MCM9: variants seen among roughly 807,000 people sequenced by gnomAD.
The protein encoded by MCM9 is minichromosome maintenance 9 homologous recombination repair factor.
Under a neutral mutation model 72.8 loss-of-function variants are expected in MCM9, and 55 were observed. The observed-to-expected ratio is 0.76, with a 90% CI of 0.61 to 0.95. The LOEUF (loss-of-function observed/expected upper bound fraction) is 0.95. Ranked by LOEUF, MCM9 falls within the 40% of genes least tolerant of loss-of-function variation. The pLI is 0.00. For missense variants in MCM9, 1,279 were observed against 1,377.0 expected, an observed-to-expected ratio of 0.93 and a Z score of 1.13; for synonymous variants, 480 against 503.4, an observed-to-expected ratio of 0.95 and a Z score of 0.62.
At chr6:118,900,968 C>T in intron 8 of MCM9, 1 of 969,554 alleles carries the variant, frequency 1.0e-6, no homozygotes, top group African/African-American at 1.6e-5. Context: ...TATCCCTTTC[C>T]TTTTGGGTTA....
At chr6:118,902,351 C>A (rs902704283) in intron 8 of MCM9, among the ~76,000 whole-genome samples, 3 of 152,110 alleles carry the variant, frequency 2.0e-5, no homozygotes, top group Admixed American at 2.0e-4. Context: ...TATAATCAGT[C>A]ACTCATAAAG....
chr6:118,871,490 G>T (rs556166364), intron 8 of MCM9, among the ~76,000 whole-genome samples: 2 of 152,212 alleles, frequency 1.3e-5, no homozygotes, highest in East Asian at 3.9e-4. Flanking sequence ...CACAATAAAG[G>T]CCATCTATCA....
intron 8 of MCM9, among the ~76,000 whole-genome samples, chr6:118,858,340 A>C (rs1776694250): frequency 1.3e-5 from 2 of 152,182 alleles, no homozygotes; most frequent in Admixed American, 1.3e-4. Flanking sequence ...TCAAAAAATT[A>C]GGAACGGAAG....
chr6:118,856,904 TAACC>T (rs1776591213), intron 8 of MCM9, among the ~76,000 whole-genome samples: 2 of 152,070 alleles, frequency 1.3e-5, no homozygotes, highest in Non-Finnish European at 2.9e-5. Context: ...AGGCATATCT[TAACC>T]TATGAAAGGA....
chr6:118,914,259 G>C (rs894405138), intron 6 of MCM9, among the ~76,000 whole-genome samples: 10 of 152,142 alleles, frequency 6.6e-5, no homozygotes, highest in African/African-American at 2.4e-4. Context: ...GAACATCACT[G>C]TTTGGGGTTC....
At chr6:118,843,660 A>ATATATATATTTG (rs1562407063) in intron 9 of MCM9, among the ~76,000 whole-genome samples, 1 of 76,440 alleles carries the variant, frequency 1.3e-5, no homozygotes, top group Non-Finnish European at 2.4e-5. Context: ...ATATATGTGT[A>ATATATATATTTG]TATATATATG....
At chr6:118,871,952 G>A (rs1041417978) in intron 8 of MCM9, among the ~76,000 whole-genome samples, 1 of 152,086 alleles carries the variant, frequency 6.6e-6, no homozygotes, top group Non-Finnish European at 1.5e-5. Context: ...CTGGACTACA[G>A]CATACCTTAA....
At chr6:118,857,233 T>C (rs1554258008) in intron 8 of MCM9, among the ~76,000 whole-genome samples, 1 of 152,198 alleles carries the variant, frequency 6.6e-6, no homozygotes, top group Non-Finnish European at 1.5e-5. Flanking sequence ...TGATAGAGAA[T>C]AGTAATTATT....
chr6:118,902,615 G>A (rs1426990211), intron 8 of MCM9, among the ~76,000 whole-genome samples: 2 of 132,812 alleles, frequency 1.5e-5, no homozygotes, highest in African/African-American at 2.9e-5. Flanking sequence ...TTTTGTGTTT[G>A]TTATTAAGCA....
chr6:118,888,151 T>C (rs183636298), intron 8 of MCM9, among the ~76,000 whole-genome samples: 35 of 152,102 alleles, frequency 2.3e-4, no homozygotes, highest in African/African-American at 7.7e-4. Flanking sequence ...GTGGAGAAAT[T>C]AGAATGCTGG....
chr6:118,931,626 T>C lies in MCM9; in HGVS notation c.98A>G (p.Asp33Gly). The change falls in exon 3 of 14, where the codon GAT becomes GGT. Residue 33 changes from aspartate (D) to glycine (G), a missense_variant. Coordinates refer to ENST00000619706, the MANE Select transcript of MCM9 (RefSeq NM_017696.3). ...CACAACTGGGTAATGAGCATCTTCA[T>C]CCCTTTCCTTCAAGATTAGAAGAAT... Reference protein sequence around the residue: ...NDILLILKERDEDAHYPVVVN... With the variant: ...NDILLILKERGEDAHYPVVVN... The C allele has an allele frequency of 1.2e-6, 2 of 1,614,130 alleles. No individual in the cohort carries two copies. The highest frequency in any genetic ancestry group is 1.7e-6 in the Non-Finnish European group (2 of 1,180,012).
In MCM9 at chr6:118,911,075, G is replaced by A. The variant is rs898607792; in HGVS notation, c.1150+575C>T. On this transcript the variant is annotated intron_variant, in intron 8 of 13. Coordinates refer to ENST00000619706, the MANE Select transcript of MCM9 (RefSeq NM_017696.3). ...AAATAATTTTTTTCTAAATTCCCTG[G>A]GTCACTTTATTTATAATCAAATCTT... 3.0e-6 allele frequency: 3 copies of A among 983,874 alleles called. No individual in the cohort carries two copies. The African/African-American group carries it at 5.3e-5, about 17-fold the overall frequency. 60.9% of individuals were successfully genotyped at this position (983,874 alleles called of 1,614,324 possible).
chr6:118,894,451 A>C, intron 8 of MCM9: 1 of 1,537,138 alleles, frequency 6.5e-7, no homozygotes, highest in Non-Finnish European at 8.7e-7. Context: ...GTGGTGCTGG[A>C]TAACCCTTCT....
At chr6:118,910,116 CAAAAAAAAA>C (rs67533661) in intron 8 of MCM9, among the ~76,000 whole-genome samples, 1 of 110,766 alleles carries the variant, frequency 9.0e-6, no homozygotes, top group Admixed American at 9.0e-5. Flanking sequence ...GACTCTATCT[CAAAAAAAAA>C]AAAAAAAAAA....
At position 118,816,076 on chromosome 6, in the gene MCM9, C is replaced by T; in HGVS notation, c.2180G>A (p.Ser727Asn). The change falls in exon 14 of 14, where the codon AGT (serine) becomes AAT (asparagine). Residue 727 changes from serine to asparagine, a missense_variant. Physicochemically the swap from Ser to Asn is conservative, Grantham distance 46 (BLOSUM62 1). Coordinates refer to ENST00000619706, the MANE Select transcript of MCM9 (RefSeq NM_017696.3). ...PPHLEPNRST[S>N]RKHSAQHKNN... ...TTTGTGCTGAGCTGAATGTTTCCTA[C>T]TTGTTGATCTATTAGGCTCCAGATG... is the stretch of plus-strand genomic sequence containing the variant. The T allele has an allele frequency of 6.5e-7, 1 of 1,550,082 alleles. No individual in the cohort carries two copies. Among genetic ancestry groups the T allele is most frequent in the Non-Finnish European group, 8.7e-7 (1 of 1,146,664 alleles).
chr6:118,864,944 G>A (rs749523256), intron 8 of MCM9, among the ~76,000 whole-genome samples: 1 of 151,968 alleles, frequency 6.6e-6, no homozygotes, highest in Admixed American at 6.5e-5. Context: ...ATGCCTGCTT[G>A]TCTTCTAACG....
At position 118,923,930 on chromosome 6, in the gene MCM9, G is replaced by A. The variant is rs768968338; in HGVS notation, c.502C>T (p.Arg168Trp). Residue 168 changes from arginine (R) to tryptophan (W), a missense_variant, in exon 4 of 14, where the codon CGG becomes TGG. Physicochemically the swap from Arg to Trp is moderately radical, Grantham distance 101. Transcript: ENST00000619706. Reference protein sequence around the residue: ...ADFEQYYTFCRPSSCPSLESC... With the variant: ...ADFEQYYTFCWPSSCPSLESC... ...TCCAAGCTGGGACACGAGGATGGCCGGCAAAAGGTGTAATACTGCTCAAAG... is the reference window on the plus strand; with the variant it reads ...TCCAAGCTGGGACACGAGGATGGCCAGCAAAAGGTGTAATACTGCTCAAAG... The A allele has an allele frequency of 2.5e-5, 41 of 1,614,064 alleles. 1 individual carries two copies. The highest frequency in any genetic ancestry group is 2.1e-4 in the South Asian group (19 of 91,086).
At chr6:118,837,253 T>C (rs150843645) in intron 9 of MCM9, among the ~76,000 whole-genome samples, 1 of 152,234 alleles carries the variant, frequency 6.6e-6, no homozygotes, top group African/African-American at 2.4e-5. Flanking sequence ...TTTCACTCTT[T>C]TGCATTTGCT....
rs543169247 is a variant in MCM9, at chr6:118,883,683, T to G, written c.1151-27138A>C. Among the ~76,000 whole-genome samples, 38 of 151,236 alleles carry G rather than the reference T, an allele frequency of 2.5e-4. No individual in the cohort carries two copies. The South Asian group carries it at 7.1e-3, about 28-fold the overall frequency. On this transcript the variant is annotated intron_variant, in intron 8 of 13. Transcript: ENST00000619706. ...GGCCAGAGGCAGTGGGATTACATAT[T>G]CAAAGTGCTGAAAGAAAAAAAAAAA...
Sources: allele counts gnomAD v4.1 joint callset (sites outside exome capture counted in the v4.1 genomes callset), GRCh38; gene constraint gnomAD v4.1.1; transcripts MANE v1.5; gene names NCBI Gene and HGNC (gene_info 2026-07-23, HGNC 2026-07-21).